The following CFDP1 variants were observed in gnomAD, a reference collection of about 807,000 sequenced individuals.
CFDP1 encodes the protein heterochromatin-stabilizing protein CFDP1.
A neutral mutation model predicts 40.1 loss-of-function variants in CFDP1; 31 were observed. That is an observed-to-expected ratio of 0.77 (90% CI 0.58 to 1.04). The LOEUF is 1.04. CFDP1 is among the 50% of genes least tolerant of loss of function. CFDP1 has a pLI of 0.00. For synonymous variants in CFDP1, 167 were observed against 120.0 expected (o/e 1.39, Z -2.56); for missense variants, 423 against 343.4 (o/e 1.23, Z -1.83).
chr16:75,371,133 T>G (rs1225901365), intron 5 of CFDP1, among the ~76,000 whole-genome samples: 2 of 152,216 alleles, frequency 1.3e-5, no homozygotes, highest in Admixed American at 1.3e-4. Context: ...ACTAACATTT[T>G]GAATAAGCCA....
At chr16:75,429,793 C>A (rs2079388028) in intron 1 of CFDP1, among the ~76,000 whole-genome samples, 1 of 152,110 alleles carries the variant, frequency 6.6e-6, no homozygotes, top group Non-Finnish European at 1.5e-5. Flanking sequence ...TTATACAATT[C>A]TAAAAGTTTA....
intron 5 of CFDP1, among the ~76,000 whole-genome samples, chr16:75,366,606 T>C (rs992413395): frequency 7.9e-5 from 12 of 151,814 alleles, no homozygotes; most frequent in African/African-American, 1.2e-4. Context: ...CTGGAGTGGA[T>C]AGAGTGAGTG....
In CFDP1 at chr16:75,366,332, A is replaced by G. The variant is rs564285075; in HGVS notation, c.650+28758T>C. On this transcript the variant is annotated intron_variant, in intron 5 of 6. Transcript: ENST00000283882. ...AAGATCCTCATTCATTCATTTTTGG[A>G]TGAACTTCAAAAACACCTTATAGCG... 2.0e-5 allele frequency among the ~76,000 whole-genome samples: 3 copies of G among 152,196 alleles called. No homozygotes were observed. In the South Asian group the frequency reaches 6.2e-4, roughly 31 times the overall value.
intron 5 of CFDP1, among the ~76,000 whole-genome samples, chr16:75,386,792 T>C (rs749784897): frequency 4.6e-5 from 7 of 152,216 alleles, no homozygotes; most frequent in Non-Finnish European, 7.3e-5. Context: ...AAGGACTTTA[T>C]TTCATGACCC....
chr16:75,428,704 G>C (rs2079371628), intron 1 of CFDP1, among the ~76,000 whole-genome samples: 1 of 151,046 alleles, frequency 6.6e-6, no homozygotes, highest in Admixed American at 6.6e-5. Flanking sequence ...AAGAAAGAGT[G>C]AGAGAGGAAA....
chr16:75,412,612 T>C lies in CFDP1; in HGVS notation c.325A>G (p.Lys109Glu), dbSNP rs763357455. The change falls in exon 3 of 7, where the codon AAG becomes GAG. Residue 109 changes from lysine to glutamate, a missense_variant. Transcript: ENST00000283882. Reference protein sequence around the residue: ...GIGSEDARKKKEDELWASFLN... With the variant: ...GIGSEDARKKEEDELWASFLN... ...AAGCTGGCCCAGAGTTCGTCCTCCT[T>C]CTTTTTCCTGGCATCCTCTGATCCA... 19 of 1,614,068 alleles carry C rather than the reference T, an allele frequency of 1.2e-5. No homozygotes were observed. The highest frequency in any genetic ancestry group is 1.2e-4 in the Admixed American group (7 of 60,006).
Position 75,414,666 on chromosome 16 carries a change from C to G in CFDP1, c.94G>C (p.Glu32Gln). ...GGEYSEDDVN[E>Q]LVKEDEVDGE... ...TCCACTTCATCTTCCTTCACTAATT[C>G]ATTTACATCATCTTCACTATACTCT... The change falls in exon 2 of 7, where the codon GAA (glutamate) becomes CAA (glutamine). Residue 32 changes from glutamate (E) to glutamine (Q), a missense_variant. By Grantham distance (29) the Glu-to-Gln change is conservative. Transcript: ENST00000283882. 1 of 1,612,406 alleles carries G rather than the reference C, an allele frequency of 6.2e-7. No individual in the cohort carries two copies. The highest frequency in any genetic ancestry group is 8.5e-7 in the Non-Finnish European group (1 of 1,178,612).
At chr16:75,408,281 C>G (rs1337326337) in intron 4 of CFDP1, among the ~76,000 whole-genome samples, 1 of 151,980 alleles carries the variant, frequency 6.6e-6, no homozygotes, top group Non-Finnish European at 1.5e-5. Flanking sequence ...ATGAAAATAT[C>G]TCTGTGTTAC....
chr16:75,401,457 G>C (rs942977038), intron 4 of CFDP1, among the ~76,000 whole-genome samples: 2 of 149,208 alleles, frequency 1.3e-5, no homozygotes, highest in South Asian at 2.1e-4. Context: ...AAAATTAGCT[G>C]GGCGTGGTAG....
intron 1 of CFDP1, among the ~76,000 whole-genome samples, chr16:75,423,214 G>C (rs1447274417): frequency 6.7e-6 from 1 of 149,638 alleles, no homozygotes; most frequent in African/African-American, 2.5e-5. Context: ...CCGGGAGGCA[G>C]GGCTGGCAGT....
intron 5 of CFDP1, among the ~76,000 whole-genome samples, chr16:75,366,953 C>G (rs2078718448): frequency 1.3e-5 from 2 of 151,748 alleles, no homozygotes; most frequent in Non-Finnish European, 2.9e-5. Flanking sequence ...CACGTGAGGT[C>G]AGGAGTTCAA....
intron 5 of CFDP1, among the ~76,000 whole-genome samples, chr16:75,313,271 T>C (rs2078306040): frequency 6.6e-6 from 1 of 152,248 alleles, no homozygotes; most frequent in Non-Finnish European, 1.5e-5. Flanking sequence ...GTGCATATAA[T>C]GCAGAGAGAA....
chr16:75,346,056 C>A (rs2078561279), intron 5 of CFDP1, among the ~76,000 whole-genome samples: 1 of 152,184 alleles, frequency 6.6e-6, no homozygotes, highest in Non-Finnish European at 1.5e-5. Context: ...AACAATGGCT[C>A]AAATGTCAAT....
At chr16:75,345,748 T>C (rs1177881240) in intron 5 of CFDP1, among the ~76,000 whole-genome samples, 1 of 152,246 alleles carries the variant, frequency 6.6e-6, no homozygotes, top group African/African-American at 2.4e-5. Context: ...AAAAGATCAT[T>C]TGTTTTCTTA....
chr16:75,298,705 G>C (rs12449177), intron 6 of CFDP1, among the ~76,000 whole-genome samples: 108,334 of 152,018 alleles, frequency 0.71, 39,321 homozygotes, highest in Admixed American at 0.79. Context: ...TACACCTCCC[G>C]CCTTCAGGAG....
At chr16:75,430,015 G>A (rs1011792890) in intron 1 of CFDP1, among the ~76,000 whole-genome samples, 1 of 152,114 alleles carries the variant, frequency 6.6e-6, no homozygotes, top group Non-Finnish European at 1.5e-5. Context: ...AAATATACTG[G>A]TTTGGTCCAT....
intron 4 of CFDP1, among the ~76,000 whole-genome samples, chr16:75,403,288 A>G (rs7184525): frequency 0.52 from 78,759 of 152,006 alleles, 21,472 homozygotes; most frequent in Admixed American, 0.64. Context: ...GCACGATCTC[A>G]GCACACAGCA....
At chr16:75,382,404 G>A (rs2078860148) in intron 5 of CFDP1, among the ~76,000 whole-genome samples, 1 of 152,176 alleles carries the variant, frequency 6.6e-6, no homozygotes, top group African/African-American at 2.4e-5. Flanking sequence ...AAGACAGATA[G>A]ATACTTCATA....
intron 5 of CFDP1, among the ~76,000 whole-genome samples, chr16:75,359,646 C>T (rs1438388041): frequency 1.3e-5 from 2 of 152,174 alleles, no homozygotes; most frequent in Non-Finnish European, 2.9e-5. Context: ...TAACCATGAT[C>T]ACCTCCACCT....
Sources: allele counts gnomAD v4.1 joint callset (sites outside exome capture counted in the v4.1 genomes callset), GRCh38; gene constraint gnomAD v4.1.1; transcripts MANE v1.5; gene names NCBI Gene and HGNC (gene_info 2026-07-23, HGNC 2026-07-21).